Variants in DYM observed in about 807,000 individuals in gnomAD.
DYM encodes the protein dymeclin.
A neutral mutation model predicts 93.1 loss-of-function variants in DYM; 78 were observed. The observed-to-expected ratio is 0.84, with a 90% CI of 0.70 to 1.01. The LOEUF (loss-of-function observed/expected upper bound fraction) is 1.01, where lower values mean the gene tolerates loss of function less well. Among genes scored for constraint, DYM ranks in the 50% least tolerant of loss-of-function variants. The probability of loss-of-function intolerance (pLI) is 0.00; values close to 1 mark genes in which losing one functional copy is unlikely to be tolerated. For synonymous variants in DYM, 321 were observed against 319.7 expected (o/e 1.00, Z -0.04); for missense variants, 789 against 845.0 (o/e 0.93, Z 0.82).
At chr18:49,289,712 AATATATATATATGTGTATATATATAT>A (rs2059913052) in intron 8 of DYM, among the ~76,000 whole-genome samples, 1 of 112,706 alleles carries the variant, frequency 8.9e-6, no homozygotes, top group African/African-American at 3.5e-5. Flanking sequence ...CCCTATCTCA[AATATATATATATGTGTATATATATAT>A]ATATATATAT....
chr18:49,202,602 G>A (rs1237505827), intron 14 of DYM, among the ~76,000 whole-genome samples: 5 of 123,204 alleles, frequency 4.1e-5, no homozygotes, highest in African/African-American at 1.6e-4. Flanking sequence ...GTCTCTGCCC[G>A]GCCGCCCATT....
chr18:49,440,558 T>C (rs1280088760), intron 1 of DYM, among the ~76,000 whole-genome samples: 1 of 80 alleles, frequency 0.013, no homozygotes, highest in East Asian at 0.5. Flanking sequence ...TTATATAATA[T>C]ATGACTATAT....
At chr18:49,304,432 C>G (rs967078701) in intron 8 of DYM, among the ~76,000 whole-genome samples, 8 of 152,290 alleles carry the variant, frequency 5.3e-5, no homozygotes, top group African/African-American at 1.7e-4. Context: ...TCTCTTCATC[C>G]CAGCCCTTCC....
At chr18:49,055,760 A>G (rs2144509934) in intron 17 of DYM, among the ~76,000 whole-genome samples, 1 of 152,338 alleles carries the variant, frequency 6.6e-6, no homozygotes, top group African/African-American at 2.4e-5. Flanking sequence ...GTGGGTGAGT[A>G]ACCTGAATTC....
At position 49,106,479 on chromosome 18, in the gene DYM, C is replaced by T. The variant is rs139812887; in HGVS notation, c.1912-8964G>A. ...TTAGTTGGTTATTTTGCTTGTTAGT[C>T]GATGCAGTTTCTTCCCAGCCTCAAT... On this transcript the variant is annotated intron_variant, in intron 16 of 17. Coordinates refer to ENST00000675505, the MANE Select transcript of DYM (RefSeq NM_001353214.3). Among the ~76,000 whole-genome samples, 150 of 152,186 alleles carry T rather than the reference C, an allele frequency of 9.9e-4. 2 individuals are homozygous for T. The East Asian group carries it at 0.022, about 22-fold the overall frequency.
At chr18:49,403,782 T>C (rs1599955076) in intron 2 of DYM, among the ~76,000 whole-genome samples, 1 of 150,920 alleles carries the variant, frequency 6.6e-6, no homozygotes. Flanking sequence ...TTGTTCTCCT[T>C]TATATACATA....
intron 17 of DYM, among the ~76,000 whole-genome samples, chr18:49,079,899 CG>C (rs2077659302): frequency 6.6e-6 from 1 of 151,506 alleles, no homozygotes; most frequent in African/African-American, 2.4e-5. Flanking sequence ...CATCCCGGCC[CG>C]TTCTCAATGA....
chr18:49,132,616 G>T (rs1383557600), intron 15 of DYM, among the ~76,000 whole-genome samples: 2 of 151,836 alleles, frequency 1.3e-5, no homozygotes, highest in African/African-American at 4.8e-5. Context: ...TTAAACAGGG[G>T]TAACATAACT....
Position 49,183,830 on chromosome 18 carries a change from G to C in DYM, c.1626-20043C>G, listed in dbSNP as rs72642446. Among the ~76,000 whole-genome samples the C allele has an allele frequency of 3.5e-3, 529 of 152,254 alleles. 27 individuals are homozygous for C. The East Asian group carries it at 0.084, about 24-fold the overall frequency. On this transcript the variant is annotated intron_variant, in intron 14 of 17. Coordinates refer to ENST00000675505, the MANE Select transcript of DYM (RefSeq NM_001353214.3). ...GAATAAGGAAATAATTAAGGTTAAT[G>C]AGGTCATAAGGGTGAGGCTCTGACC...
intron 13 of DYM, among the ~76,000 whole-genome samples, chr18:49,254,928 A>G (rs2094360676): frequency 6.6e-6 from 1 of 152,238 alleles, no homozygotes; most frequent in Non-Finnish European, 1.5e-5. Flanking sequence ...AGAATACCTG[A>G]AAAACTCCAA....
In DYM at chr18:49,039,564, T is replaced by C. The variant is rs1195408480; in HGVS notation, c.*4491A>G. On this transcript the variant is annotated 3_prime_UTR_variant, in exon 18 of 18. Transcript: ENST00000675505. ...GGTCAGACATGCTCACTGTACCCTT[T>C]AAGTCTCTTACCCTCTATTCTCCAT... Among the ~76,000 whole-genome samples the C allele has an allele frequency of 6.6e-6, 1 of 152,132 alleles. No individual in the cohort carries two copies. The highest frequency in any genetic ancestry group is 2.4e-5 in the African/African-American group (1 of 41,436).
At chr18:49,200,299 G>A (rs1249072028) in intron 14 of DYM, among the ~76,000 whole-genome samples, 2 of 151,856 alleles carry the variant, frequency 1.3e-5, no homozygotes, top group Non-Finnish European at 1.5e-5. Flanking sequence ...GAAATGTCAT[G>A]TACATTTTAC....
At chr18:49,313,999 C>T (rs940518929) in intron 8 of DYM, among the ~76,000 whole-genome samples, 7 of 152,144 alleles carry the variant, frequency 4.6e-5, no homozygotes, top group Middle Eastern at 3.4e-3. Context: ...GGCTCACACC[C>T]GTAATCCCAG....
intron 13 of DYM, among the ~76,000 whole-genome samples, chr18:49,233,307 C>T (rs1006859242): frequency 6.0e-5 from 9 of 149,666 alleles, no homozygotes; most frequent in African/African-American, 2.2e-4. Flanking sequence ...TTCAGTGAGC[C>T]GAGATCAAGC....
In DYM at chr18:49,430,480, G is replaced by A. The variant is rs923237186; in HGVS notation, c.-53-33C>T. On this transcript the variant is annotated intron_variant, in intron 1 of 17. Transcript: ENST00000675505. ...AAATAAAAATAAAAACTTTAAACTT[G>A]TTCAAAAGTCATCATGCTTTGTCTA... The A allele has an allele frequency of 4.6e-6, 7 of 1,521,298 alleles. No homozygotes were observed. In the African/African-American group the frequency reaches 6.9e-5, roughly 15 times the overall value. 94.2% of individuals were successfully genotyped at this position (1,521,298 alleles called of 1,614,324 possible).
chr18:49,335,393 T>C (rs1350460421), intron 6 of DYM, among the ~76,000 whole-genome samples: 1 of 152,084 alleles, frequency 6.6e-6, no homozygotes, highest in African/African-American at 2.4e-5. Context: ...AAGGTGGAGG[T>C]TGCAGTGAGC....
In DYM at chr18:49,362,821, C is replaced by T. The variant is rs1403047836; in HGVS notation, c.494+340G>A. 7.9e-5 allele frequency among the ~76,000 whole-genome samples: 12 copies of T among 152,308 alleles called. No individual in the cohort carries two copies. The East Asian group carries it at 1.9e-3, about 24-fold the overall frequency. ...TCAGGAAGATAAGGAGAACTCAACT[C>T]ACTGTGTCTACCACAATATGAAGTA... On this transcript the variant is annotated intron_variant, in intron 6 of 17. Transcript: ENST00000675505.
At chr18:49,046,769 G>A (rs1196681735) in intron 17 of DYM, among the ~76,000 whole-genome samples, 9 of 152,004 alleles carry the variant, frequency 5.9e-5, no homozygotes, top group African/African-American at 2.2e-4. Flanking sequence ...ATGTGATGGC[G>A]CATGTCTGTA....
At chr18:49,426,764 T>A (rs1485552568) in intron 2 of DYM, among the ~76,000 whole-genome samples, 1 of 34,116 alleles carries the variant, frequency 2.9e-5, no homozygotes, top group African/African-American at 5.7e-5. Flanking sequence ...CATGTGTGTG[T>A]GTGTGTGTGT....
Sources: allele counts gnomAD v4.1 joint callset (sites outside exome capture counted in the v4.1 genomes callset), GRCh38; gene constraint gnomAD v4.1.1; transcripts MANE v1.5; gene names NCBI Gene and HGNC (gene_info 2026-07-23, HGNC 2026-07-21).